AAGAB: variants seen among roughly 807,000 people sequenced by gnomAD.
The protein encoded by AAGAB is alpha- and gamma-adaptin-binding protein p34.
A neutral mutation model predicts 44.1 loss-of-function variants in AAGAB; 38 were observed. The ratio of observed to expected loss-of-function variants is 0.86; its 90% CI spans 0.67 to 1.13. AAGAB has a LOEUF of 1.13. Ranked by LOEUF, AAGAB falls within the 50% of genes most tolerant of loss-of-function variation. The probability of loss-of-function intolerance (pLI) is 0.00; values close to 1 mark genes in which losing one functional copy is unlikely to be tolerated. For synonymous variants in AAGAB, 131 were observed against 131.8 expected, an observed-to-expected ratio of 0.99 and a Z score of 0.04; for missense variants, 450 against 373.8, an observed-to-expected ratio of 1.20 and a Z score of -1.68.
chr15:67,231,197 G>A (rs1210567865), intron 5 of AAGAB, among the ~76,000 whole-genome samples: 1 of 152,086 alleles, frequency 6.6e-6, no homozygotes, highest in African/African-American at 2.4e-5. Flanking sequence ...ATACCACCAT[G>A]CCCAGCTAAT....
In AAGAB at chr15:67,202,724, T is replaced by C. The variant is rs535678976; in HGVS notation, c.*97A>G. On this transcript the variant is annotated 3_prime_UTR_variant, in exon 10 of 10. Transcript: ENST00000261880. The stretch of plus-strand genomic sequence containing the variant: ...CTATAAACAAGTCAGGCAGCCAACA[T>C]GATAAGGGCAATTTTGGCAAAATAT... 59 of 1,166,970 alleles carry C rather than the reference T, an allele frequency of 5.1e-5. No individual in the cohort carries two copies. The South Asian group carries it at 6.8e-4, about 13-fold the overall frequency. 72.3% of individuals were successfully genotyped at this position (1,166,970 alleles called of 1,614,324 possible).
chr15:67,221,646 G>A (rs565494707), intron 5 of AAGAB, among the ~76,000 whole-genome samples: 17 of 152,232 alleles, frequency 1.1e-4, no homozygotes, highest in African/African-American at 3.4e-4. Flanking sequence ...GGCAATCAAC[G>A]TCTTCAGAGG....
rs138939599 is a variant in AAGAB at position 67,230,574 on chromosome 15, G to A, written c.535+1240C>T. Among the ~76,000 whole-genome samples, 1,450 of 152,296 alleles carry A rather than the reference G, an allele frequency of 9.5e-3. 10 individuals are homozygous for A. Among genetic ancestry groups the A allele is most frequent in the Admixed American group, 0.013 (195 of 15,306 alleles). On this transcript the variant is annotated intron_variant, in intron 5 of 9. Coordinates refer to ENST00000261880, the MANE Select transcript of AAGAB (RefSeq NM_024666.5). ...GATCCTTCCCCGGCACCTTCAGAGG[G>A]ACCATGGCCCTGCCAACACCCTGAT...
chr15:67,236,627 T>TA lies in AAGAB; in HGVS notation c.264+2dup. On this transcript the variant is annotated splice_region_variant and intron_variant, in intron 2 of 9. Coordinates refer to ENST00000261880, the MANE Select transcript of AAGAB (RefSeq NM_024666.5). ...CAAGCCTTCATAGAAAACAAAGTCTTACTTGTGTGCTGTCAAAGTAAACCA... is the reference window on the plus strand; with the variant it reads ...CAAGCCTTCATAGAAAACAAAGTCTTAACTTGTGTGCTGTCAAAGTAAACCA... The TA allele has an allele frequency of 6.2e-7, 1 of 1,612,222 alleles. No individual in the cohort carries two copies. The highest frequency in any genetic ancestry group is 1.1e-5 in the South Asian group (1 of 90,556).
chr15:67,229,909 C>T (rs1304207482), intron 5 of AAGAB, among the ~76,000 whole-genome samples: 1 of 152,008 alleles, frequency 6.6e-6, no homozygotes, highest in Non-Finnish European at 1.5e-5. Flanking sequence ...TGCAGTGGCG[C>T]GATCTCGGCT....
At chr15:67,226,352 C>T (rs1444851519) in intron 5 of AAGAB, among the ~76,000 whole-genome samples, 2 of 152,070 alleles carry the variant, frequency 1.3e-5, no homozygotes, top group Admixed American at 6.6e-5. Flanking sequence ...GAATGCCTGA[C>T]CTCAAACAAT....
At chr15:67,253,962 G>C (rs976388611) in intron 1 of AAGAB, among the ~76,000 whole-genome samples, 3 of 152,080 alleles carry the variant, frequency 2.0e-5, no homozygotes, top group African/African-American at 7.2e-5. Flanking sequence ...TAGTAAGTCT[G>C]ACAGCCATTA....
chr15:67,254,756 C>T (rs1345556288), upstream of AAGAB: 4 of 1,322,798 alleles, frequency 3.0e-6, no homozygotes, highest in Admixed American at 8.0e-5. Context: ...GGCCTGACCC[C>T]GCCCCTAGAC....
intron 5 of AAGAB, among the ~76,000 whole-genome samples, chr15:67,212,833 T>A (rs937010154): frequency 6.6e-6 from 1 of 152,260 alleles, no homozygotes; most frequent in African/African-American, 2.4e-5. Context: ...TCCATCCACA[T>A]GCACTCACTG....
intron 7 of AAGAB, among the ~76,000 whole-genome samples, chr15:67,207,823 T>A (rs1963719683): frequency 6.7e-6 from 1 of 149,896 alleles, no homozygotes; most frequent in Admixed American, 6.7e-5. Context: ...TAAGGATGAA[T>A]AAACTGGAAA....
intron 5 of AAGAB, among the ~76,000 whole-genome samples, chr15:67,218,413 C>A (rs1963998280): frequency 1.3e-5 from 2 of 151,816 alleles, no homozygotes; most frequent in Non-Finnish European, 2.9e-5. Context: ...ACTACCTTCT[C>A]ATGTGAAACA....
At chr15:67,222,291 C>T (rs1195079211) in intron 5 of AAGAB, among the ~76,000 whole-genome samples, 1 of 151,002 alleles carries the variant, frequency 6.6e-6, no homozygotes, top group African/African-American at 2.4e-5. Context: ...CACCCTCCAC[C>T]CATGCTGCCT....
At chr15:67,238,068 A>G (rs985736810) in intron 1 of AAGAB, among the ~76,000 whole-genome samples, 2 of 152,206 alleles carry the variant, frequency 1.3e-5, no homozygotes, top group African/African-American at 4.8e-5. Flanking sequence ...TGCAGTTAAG[A>G]GGAACGAATC....
intron 1 of AAGAB, among the ~76,000 whole-genome samples, chr15:67,243,565 T>C: frequency 6.6e-6 from 1 of 152,150 alleles, no homozygotes; most frequent in East Asian, 1.9e-4. Flanking sequence ...AGGTCAAAAA[T>C]ACTGCTAAAC....
rs143375361 is a variant in AAGAB at position 67,245,808 on chromosome 15, A to G, written c.73+8751T>C. ...GTCAGATCGCTTAAAAAAGGATAGA[A>G]TTCAGTACTCAATCCACAGATTTTT... is the stretch of plus-strand genomic sequence containing the variant. On this transcript the variant is annotated intron_variant, in intron 1 of 9. Coordinates refer to ENST00000261880, the MANE Select transcript of AAGAB (RefSeq NM_024666.5). 3.3e-3 allele frequency among the ~76,000 whole-genome samples: 507 copies of G among 152,290 alleles called. 3 individuals are homozygous for G. Among genetic ancestry groups the G allele is most frequent in the Middle Eastern group, 6.8e-3 (2 of 294 alleles).
intron 1 of AAGAB, among the ~76,000 whole-genome samples, chr15:67,245,642 C>A (rs1253497740): frequency 6.6e-6 from 1 of 152,150 alleles, no homozygotes; most frequent in Non-Finnish European, 1.5e-5. Context: ...CTGCTAAAAA[C>A]CACAGAAACT....
chr15:67,239,848 T>C (rs1235403737), intron 1 of AAGAB, among the ~76,000 whole-genome samples: 1 of 152,210 alleles, frequency 6.6e-6, no homozygotes, highest in Non-Finnish European at 1.5e-5. Context: ...CTTTTCCAAA[T>C]TAAAATGAAA....
intron 5 of AAGAB, among the ~76,000 whole-genome samples, chr15:67,223,033 T>C (rs1312696541): frequency 1.3e-5 from 2 of 152,210 alleles, no homozygotes; most frequent in African/African-American, 4.8e-5. Flanking sequence ...TGAAACACTC[T>C]TCACTTTTGC....
At position 67,233,719 on chromosome 15, in the gene AAGAB, A is replaced by G. The variant is rs145988454; in HGVS notation, c.452-1822T>C. 2.2e-4 allele frequency among the ~76,000 whole-genome samples: 34 copies of G among 152,326 alleles called. No homozygotes were observed. In the Middle Eastern group the frequency reaches 0.014, roughly 61 times the overall value. On this transcript the variant is annotated intron_variant, in intron 4 of 9. Coordinates refer to ENST00000261880, the MANE Select transcript of AAGAB (RefSeq NM_024666.5). Reference sequence around the variant, plus strand: ...CAGAAAGTGGAAACAATACCACTCTATGCACATCTCTCCTAGAGGAAAGAT... The same window carrying G: ...CAGAAAGTGGAAACAATACCACTCTGTGCACATCTCTCCTAGAGGAAAGAT...
Sources: allele counts gnomAD v4.1 joint callset (sites outside exome capture counted in the v4.1 genomes callset), GRCh38; gene constraint gnomAD v4.1.1; transcripts MANE v1.5; gene names NCBI Gene and HGNC (gene_info 2026-07-23, HGNC 2026-07-21).